DPYSL5: variants seen among roughly 807,000 people sequenced by gnomAD.
The protein encoded by DPYSL5 is dihydropyrimidinase like 5.
DPYSL5 carries 9 observed loss-of-function variants against 58.4 expected under a neutral mutation model. The ratio of observed to expected loss-of-function variants is 0.15; its 90% confidence interval spans 0.09 to 0.27. The LOEUF (loss-of-function observed/expected upper bound fraction) is 0.27, where lower values mean the gene tolerates loss of function less well. Among genes scored for constraint, DPYSL5 ranks in the 10% least tolerant of loss-of-function variants. The probability of loss-of-function intolerance (pLI) is 1.00; values close to 1 mark genes in which losing one functional copy is unlikely to be tolerated. For synonymous variants in DPYSL5, 293 were observed against 301.9 expected (o/e 0.97, Z 0.31); for missense variants, 499 against 770.6 (o/e 0.65, Z 4.17).
chr2:26,897,819 G>T (rs565719643), intron 1 of DPYSL5, among the ~76,000 whole-genome samples: 2 of 152,298 alleles, frequency 1.3e-5, no homozygotes, highest in Non-Finnish European at 2.9e-5. Flanking sequence ...CTGCATCTCT[G>T]GGGGTGGGGC....
rs1256482479 is a variant in DPYSL5, at chr2:26,849,585, C to T, written c.-5+1331C>T. On this transcript the variant is annotated intron_variant, in intron 1 of 12. Coordinates refer to ENST00000288699, the MANE Select transcript of DPYSL5 (RefSeq NM_020134.4). The surrounding 1 kb of genome is among the most constrained non-coding windows in gnomAD (Gnocchi z 6.2). Reference sequence around the variant, plus strand: ...GATCTTCCGCGGCGCCCACGGCACGCCCTTTTCTCGAGGAGCTGAAAGGCT... The same window carrying T: ...GATCTTCCGCGGCGCCCACGGCACGTCCTTTTCTCGAGGAGCTGAAAGGCT... Among the ~76,000 whole-genome samples the T allele has an allele frequency of 6.6e-6, 1 of 152,170 alleles. No individual in the cohort carries two copies. Among genetic ancestry groups the T allele is most frequent in the Non-Finnish European group, 1.5e-5 (1 of 68,030 alleles).
chr2:26,945,758 G>A lies in DPYSL5; in HGVS notation c.1609+934G>A, dbSNP rs116240744. ...TGCTGGGATGGGTACGGCGAGAGGC[G>A]CAAGACCCTGGTCCTTCCACCCACA... On this transcript the variant is annotated intron_variant, in intron 12 of 12. Coordinates refer to ENST00000288699, the MANE Select transcript of DPYSL5 (RefSeq NM_020134.4). 7.6e-3 allele frequency among the ~76,000 whole-genome samples: 1,153 copies of A among 152,302 alleles called. 14 individuals carry two copies. Among genetic ancestry groups the A allele is most frequent in the African/African-American group, 0.026 (1,097 of 41,556 alleles).
At chr2:26,919,936 A>G (rs182313357) in intron 2 of DPYSL5, among the ~76,000 whole-genome samples, 139 of 152,384 alleles carry the variant, frequency 9.1e-4, no homozygotes, top group African/African-American at 3.2e-3. Context: ...ATAAATCTAC[A>G]TAAATAAATC....
chr2:26,852,746 T>C (rs1381134288), intron 1 of DPYSL5, among the ~76,000 whole-genome samples: 6 of 152,148 alleles, frequency 3.9e-5, no homozygotes, highest in African/African-American at 1.4e-4. Context: ...TAATTGCTGT[T>C]TTTGCCATTA....
chr2:26,854,894 C>CT (rs1665841379), intron 1 of DPYSL5, among the ~76,000 whole-genome samples: 1 of 152,000 alleles, frequency 6.6e-6, no homozygotes, highest in Admixed American at 6.6e-5. Context: ...TCTCTGCTCA[C>CT]TGCAACCTCT....
At chr2:26,904,209 G>A (rs1349333248) in intron 2 of DPYSL5, among the ~76,000 whole-genome samples, 1 of 152,158 alleles carries the variant, frequency 6.6e-6, no homozygotes, top group Non-Finnish European at 1.5e-5. Flanking sequence ...ATCTGGTAGG[G>A]CCCTGAGGTA....
chr2:26,942,873 CT>C lies in DPYSL5; in HGVS notation c.1440+124del, dbSNP rs2148177150. On this transcript the variant is annotated intron_variant, in intron 11 of 12. Coordinates refer to ENST00000288699, the MANE Select transcript of DPYSL5 (RefSeq NM_020134.4). The surrounding 1 kb of genome is among the most constrained non-coding windows in gnomAD (Gnocchi z 5.9). Reference sequence around the variant, plus strand: ...TTTCGACCCAATTCCATTGCACTTTCTCCAGCGTTGAGAGGGGAGTGTGCGG... The same window carrying C: ...TTTCGACCCAATTCCATTGCACTTTCCCAGCGTTGAGAGGGGAGTGTGCGG... The C allele has an allele frequency of 8.7e-7, 1 of 1,148,570 alleles. No homozygotes were observed. The highest frequency in any genetic ancestry group is 1.5e-5 in the South Asian group (1 of 66,598). 71.1% of individuals were successfully genotyped at this position (1,148,570 alleles called of 1,614,324 possible). A position where few individuals can be genotyped will look rare whatever the true frequency, so the allele number is the denominator to read the frequency against.
chr2:26,931,010 A>G (rs1397805363), intron 5 of DPYSL5, among the ~76,000 whole-genome samples: 3 of 148,210 alleles, frequency 2.0e-5, no homozygotes, highest in Non-Finnish European at 4.5e-5. Context: ...ATGGTAGCGC[A>G]TGCCTGTAGT....
chr2:26,937,349 G>A (rs1280594667), intron 8 of DPYSL5, among the ~76,000 whole-genome samples: 1 of 152,008 alleles, frequency 6.6e-6, no homozygotes, highest in Non-Finnish European at 1.5e-5. Flanking sequence ...AGTGCATATT[G>A]TAAATGGGTG....
chr2:26,931,631 T>A lies in DPYSL5; in HGVS notation c.670-9T>A. On this transcript the variant is annotated splice_polypyrimidine_tract_variant and intron_variant, in intron 5 of 12. Coordinates refer to ENST00000288699, the MANE Select transcript of DPYSL5 (RefSeq NM_020134.4). ...AGTTTGGTTTCCTCCTGTCCTTTGT[T>A]TCTAACAGCTGGAAGCTGAAGCCAC... 1 of 1,613,870 alleles carries A rather than the reference T, an allele frequency of 6.2e-7. No individual in the cohort carries two copies. Among genetic ancestry groups the A allele is most frequent in the Non-Finnish European group, 8.5e-7 (1 of 1,179,882 alleles).
chr2:26,879,686 C>G (rs149214447), intron 1 of DPYSL5, among the ~76,000 whole-genome samples: 1,554 of 152,322 alleles, frequency 0.01, 13 homozygotes, highest in Non-Finnish European at 0.017. Flanking sequence ...TGCTGGTTCT[C>G]TGCTCTCCTC....
rs1269317772 is a variant in DPYSL5, at chr2:26,877,481, C to T, written c.-4-21015C>T. On this transcript the variant is annotated intron_variant, in intron 1 of 12. Coordinates refer to ENST00000288699, the MANE Select transcript of DPYSL5 (RefSeq NM_020134.4). The surrounding 1 kb of genome is among the most constrained non-coding windows in gnomAD (Gnocchi z 4.1). ...TGCCTACTACATGTGCTCCACCCCA[C>T]ACCTGCTGAGTACATGCTGGGAAGA... is the stretch of plus-strand genomic sequence containing the variant. Among the ~76,000 whole-genome samples the T allele has an allele frequency of 2.0e-5, 3 of 152,118 alleles. No homozygotes were observed. Among genetic ancestry groups the T allele is most frequent in the Non-Finnish European group, 2.9e-5 (2 of 68,038 alleles).
Position 26,849,451 on chromosome 2 carries a change from G to C in DPYSL5, c.-5+1197G>C, listed in dbSNP as rs78179926. 8.2e-3 allele frequency among the ~76,000 whole-genome samples: 1,245 copies of C among 152,188 alleles called. 21 individuals are homozygous for C. Among genetic ancestry groups the C allele is most frequent in the African/African-American group, 0.029 (1,205 of 41,546 alleles). The stretch of plus-strand genomic sequence containing the variant: ...GCCGGCTGGGCGTGGCCCTCGGACC[G>C]GGGTTAGGGACCCAGGATGGCAGAT... On this transcript the variant is annotated intron_variant, in intron 1 of 12. Transcript: ENST00000288699. This position sits in a 1 kb window ranked among gnomAD's most constrained non-coding sequence, Gnocchi z 6.2.
In DPYSL5 at chr2:26,905,816, A is replaced by G. The variant is rs1355824421; in HGVS notation, c.261+7056A>G. On this transcript the variant is annotated intron_variant, in intron 2 of 12. Transcript: ENST00000288699. This position sits in a 1 kb window ranked among gnomAD's most constrained non-coding sequence, Gnocchi z 4.0. Reference sequence around the variant, plus strand: ...GTAACTAATTGCCTCAAGTTCAGCAATTTAAAACACCCATTTATTAACTCA... The same window carrying G: ...GTAACTAATTGCCTCAAGTTCAGCAGTTTAAAACACCCATTTATTAACTCA... 6.6e-6 allele frequency among the ~76,000 whole-genome samples: 1 copy of G among 152,170 alleles called. No individual in the cohort carries two copies. Among genetic ancestry groups the G allele is most frequent in the Non-Finnish European group, 1.5e-5 (1 of 68,030 alleles).
chr2:26,873,241 G>T (rs567366595), intron 1 of DPYSL5, among the ~76,000 whole-genome samples: 1 of 151,982 alleles, frequency 6.6e-6, no homozygotes, highest in African/African-American at 2.4e-5. Flanking sequence ...TCAGAGTTTT[G>T]ACATTTTTAT....
intron 1 of DPYSL5, among the ~76,000 whole-genome samples, chr2:26,876,961 C>CT (rs10707678): frequency 0.016 from 1,753 of 112,232 alleles, 47 homozygotes; most frequent in African/African-American, 0.045. Context: ...TCCACAGCCA[C>CT]TTTTTTTTTT....
intron 1 of DPYSL5, among the ~76,000 whole-genome samples, chr2:26,872,681 G>A (rs1663295769): frequency 7.6e-6 from 1 of 132,386 alleles, no homozygotes; most frequent in South Asian, 2.3e-4. Flanking sequence ...GCGTGACTCT[G>A]TCTCAAAAAA....
intron 1 of DPYSL5, among the ~76,000 whole-genome samples, chr2:26,848,708 C>T (rs994833255): frequency 2.0e-5 from 3 of 152,098 alleles, no homozygotes. Flanking sequence ...ACACACCACC[C>T]AGATACACAC....
At chr2:26,900,358 T>C (rs1308007389) in intron 2 of DPYSL5, among the ~76,000 whole-genome samples, 1 of 152,256 alleles carries the variant, frequency 6.6e-6, no homozygotes, top group East Asian at 1.9e-4. Flanking sequence ...TCTATGTAGA[T>C]GAAATGAAGC....
Sources: gnomAD v4.1 joint callset for allele counts (sites outside exome capture counted in the v4.1 genomes callset) on GRCh38, gnomAD v4.1.1 for gene constraint, Gnocchi (gnomAD v3.1) non-coding constraint, MANE v1.5 for transcripts, NCBI Gene and HGNC (gene_info 2026-07-23, HGNC 2026-07-21) for gene names.